ANAPC10: variants seen among roughly 807,000 people sequenced by gnomAD.
ANAPC10 encodes the protein anaphase-promoting complex subunit 10.
In ANAPC10, 12 loss-of-function variants were observed where a neutral mutation model predicts 22.0. The ratio of observed to expected loss-of-function variants is 0.55; its 90% CI spans 0.35 to 0.88. ANAPC10 has a LOEUF of 0.88. Ranked by LOEUF, ANAPC10 falls within the 40% of genes least tolerant of loss-of-function variation. The pLI, the probability that ANAPC10 is intolerant of heterozygous loss-of-function variation, is 0.01. For missense variants in ANAPC10, 188 were observed against 220.9 expected (o/e 0.85, Z 0.94); for synonymous variants, 65 against 69.5 (o/e 0.94, Z 0.32).
chr4:145,064,195 T>G (rs563525866), intron 4 of ANAPC10: 1 of 154,648 alleles, frequency 6.5e-6, no homozygotes, highest in African/African-American at 2.4e-5. Flanking sequence ...ATCACACTGG[T>G]ATTTGGGGTG....
chr4:145,095,977 G>A lies in ANAPC10; in HGVS notation c.115+8C>T, dbSNP rs1315711531. The A allele has an allele frequency of 6.2e-7, 1 of 1,613,922 alleles. No individual in the cohort carries two copies. Among genetic ancestry groups the A allele is most frequent in the African/African-American group, 1.3e-5 (1 of 74,908 alleles). The stretch of plus-strand genomic sequence containing the variant: ...TTTCCAACAGCTTTTTTGTTTGTTA[G>A]TTTTTACCTGGTTTGCAAGATGAGA... On this transcript the variant is annotated splice_region_variant and intron_variant, in intron 2 of 4. Transcript: ENST00000507656.
chr4:145,096,007 C>G lies in ANAPC10; in HGVS notation c.93G>C (p.Trp31Cys). The G allele has an allele frequency of 6.2e-7, 1 of 1,614,118 alleles. No individual in the cohort carries two copies. The highest frequency in any genetic ancestry group is 1.1e-5 in the South Asian group (1 of 91,076). ...TACCTGGTTTGCAAGATGAGAGTGA[C>G]CAAACAGCTTGTGACCCAATTTCCC... The part of the protein sequence containing the change: ...TVREIGSQAV[W>C]SLSSCKPGFG... The change falls in exon 2 of 5, where the codon TGG becomes TGC. Residue 31 changes from tryptophan to cysteine, a missense_variant. Trp to Cys is a radical substitution (Grantham distance 215). Coordinates refer to ENST00000507656, the MANE Select transcript of ANAPC10 (RefSeq NM_001256706.2).
chr4:145,003,730 C>A (rs1414861616), intron 4 of ANAPC10, among the ~76,000 whole-genome samples: 1 of 151,916 alleles, frequency 6.6e-6, no homozygotes, highest in East Asian at 1.9e-4. Context: ...ATCATGCTGT[C>A]TTGTTAATGT....
intron 3 of ANAPC10, among the ~76,000 whole-genome samples, 174 bp from the exon 4 acceptor site, chr4:145,064,866 T>C (rs1743443378): frequency 6.6e-6 from 1 of 151,908 alleles, no homozygotes; most frequent in African/African-American, 2.4e-5. Flanking sequence ...GTCCAGATAG[T>C]ATGTTAAATA....
intron 3 of ANAPC10, among the ~76,000 whole-genome samples, chr4:145,068,800 C>CT (rs1432274157): frequency 1.3e-5 from 2 of 152,100 alleles, no homozygotes; most frequent in African/African-American, 4.8e-5. Context: ...GTACCAGCTA[C>CT]TTGGGAGGCT....
intron 4 of ANAPC10, among the ~76,000 whole-genome samples, chr4:145,002,773 A>G (rs1258136363): frequency 2.0e-5 from 3 of 152,212 alleles, no homozygotes; most frequent in Non-Finnish European, 2.9e-5. Flanking sequence ...CTATCATTAA[A>G]AAGTTACATA....
chr4:145,095,852 G>C, intron 2 of ANAPC10, 133 bp downstream of exon 2: 1 of 1,100,538 alleles, frequency 9.1e-7, no homozygotes, highest in Middle Eastern at 2.6e-4. Context: ...ATATAGAAAG[G>C]GTTCAGTACT....
intron 4 of ANAPC10, among the ~76,000 whole-genome samples, chr4:145,013,795 AC>A (rs915296733): frequency 6.6e-6 from 1 of 152,048 alleles, no homozygotes; most frequent in Non-Finnish European, 1.5e-5. Flanking sequence ...AAGATCCTCC[AC>A]CCCCAAGCAC....
chr4:145,041,492 T>C (rs1224289338), intron 4 of ANAPC10, among the ~76,000 whole-genome samples: 2 of 152,262 alleles, frequency 1.3e-5, no homozygotes, highest in African/African-American at 4.8e-5. Context: ...AATGGCTGTA[T>C]GCCAGGTTGC....
intron 2 of ANAPC10, among the ~76,000 whole-genome samples, chr4:145,089,340 C>T (rs1482816938): frequency 6.6e-6 from 1 of 152,084 alleles, no homozygotes; most frequent in South Asian, 2.1e-4. Flanking sequence ...AGCATATAAG[C>T]CCTGTAAGAT....
chr4:145,010,513 G>C (rs933529386), intron 4 of ANAPC10, among the ~76,000 whole-genome samples: 4 of 152,138 alleles, frequency 2.6e-5, no homozygotes, highest in African/African-American at 9.7e-5. Flanking sequence ...ATGAGTTCTT[G>C]TCCTTTGTAG....
chr4:145,065,530 T>G (rs552424072), intron 3 of ANAPC10, among the ~76,000 whole-genome samples: 47 of 152,020 alleles, frequency 3.1e-4, no homozygotes, highest in African/African-American at 1.1e-3. Flanking sequence ...AGTAACACAA[T>G]CACTCAAAAA....
chr4:145,076,917 T>C (rs184202434), intron 3 of ANAPC10, among the ~76,000 whole-genome samples: 1 of 152,226 alleles, frequency 6.6e-6, no homozygotes, highest in East Asian at 1.9e-4. Flanking sequence ...AAAAAAGAAT[T>C]TGCCAGGCGT....
At chr4:145,042,523 C>G (rs1560865402) in intron 4 of ANAPC10, among the ~76,000 whole-genome samples, 1 of 152,152 alleles carries the variant, frequency 6.6e-6, no homozygotes, top group Non-Finnish European at 1.5e-5. Context: ...TCAATACTTT[C>G]TAATTTCATT....
intron 4 of ANAPC10, among the ~76,000 whole-genome samples, chr4:145,046,514 T>C (rs1740318511): frequency 6.6e-6 from 1 of 152,112 alleles, no homozygotes; most frequent in Non-Finnish European, 1.5e-5. Context: ...AAATATCTAA[T>C]ATTTTGACAC....
At chr4:145,078,290 AT>A (rs1386697465) in intron 3 of ANAPC10, among the ~76,000 whole-genome samples, 242 of 152,096 alleles carry the variant, frequency 1.6e-3, no homozygotes, top group African/African-American at 5.7e-3. Context: ...AAAAAAAAAA[AT>A]AAAACACCTG....
chr4:145,028,291 G>A (rs1465007618), intron 4 of ANAPC10, among the ~76,000 whole-genome samples: 1 of 152,124 alleles, frequency 6.6e-6, no homozygotes, highest in Non-Finnish European at 1.5e-5. Flanking sequence ...GTGAAAAGGA[G>A]AGACGAGCCT....
chr4:145,075,576 G>A (rs1745073742), intron 3 of ANAPC10, among the ~76,000 whole-genome samples: 1 of 151,986 alleles, frequency 6.6e-6, no homozygotes, highest in South Asian at 2.1e-4. Context: ...GCAGACCCTG[G>A]GCTGAAAGGG....
intron 4 of ANAPC10, among the ~76,000 whole-genome samples, chr4:144,996,149 G>A (rs1051203931): frequency 6.6e-6 from 1 of 152,166 alleles, no homozygotes; most frequent in Non-Finnish European, 1.5e-5. Context: ...GAGGCTCCTG[G>A]ATGTGGGGAA....
Sources: allele counts gnomAD v4.1 joint callset (sites outside exome capture counted in the v4.1 genomes callset), GRCh38; gene constraint gnomAD v4.1.1; transcripts MANE v1.5; gene names NCBI Gene and HGNC (gene_info 2026-07-23, HGNC 2026-07-21).